The following MDN1 variants were observed in gnomAD, a reference collection of about 807,000 sequenced individuals.
The protein encoded by MDN1 is midasin.
MDN1 carries 266 observed loss-of-function variants against 669.2 expected under a neutral mutation model. The observed-to-expected ratio is 0.40, with a 90% CI of 0.36 to 0.44. MDN1 has a LOEUF of 0.44. Ranked by LOEUF, MDN1 falls within the 20% of genes least tolerant of loss-of-function variation. The probability of loss-of-function intolerance (pLI) is 1.00; values close to 1 mark genes in which losing one functional copy is unlikely to be tolerated. For missense variants in MDN1, 5,940 were observed against 6,754.0 expected, an observed-to-expected ratio of 0.88 and a Z score of 4.22; for synonymous variants, 2,385 against 2,457.1, an observed-to-expected ratio of 0.97 and a Z score of 0.87.
At chr6:89,752,946 A>G (rs1253357308) in intron 22 of MDN1, among the ~76,000 whole-genome samples, 7 of 152,140 alleles carry the variant, frequency 4.6e-5, no homozygotes, top group African/African-American at 1.7e-4. Context: ...AACATGATGG[A>G]ACCCAGTCCC....
chr6:89,792,957 T>C (rs950636341), intron 5 of MDN1, among the ~76,000 whole-genome samples: 1 of 151,682 alleles, frequency 6.6e-6, no homozygotes, highest in Non-Finnish European at 1.5e-5. Flanking sequence ...AGGGGGGAGG[T>C]TGCAGTGAGC....
At chr6:89,664,052 G>A (rs1810009085) in intron 85 of MDN1, among the ~76,000 whole-genome samples, 2 of 152,176 alleles carry the variant, frequency 1.3e-5, no homozygotes, top group Admixed American at 1.3e-4. Context: ...TTTATTAAGT[G>A]CTATGGCTGG....
chr6:89,767,695 G>A (rs1377918432), intron 15 of MDN1, among the ~76,000 whole-genome samples: 1 of 152,182 alleles, frequency 6.6e-6, no homozygotes, highest in East Asian at 1.9e-4. Flanking sequence ...GGCAGGCGTT[G>A]TAGTGAGCCA....
intron 13 of MDN1, 96 bp from the exon 14 acceptor site, chr6:89,772,817 G>T: frequency 1.5e-6 from 2 of 1,346,676 alleles, no homozygotes; most frequent in Non-Finnish European, 2.0e-6. Context: ...CAACAAGGAT[G>T]AGAAAACAGC....
chr6:89,704,251 C>T (rs1023555932), intron 53 of MDN1, among the ~76,000 whole-genome samples: 1 of 151,950 alleles, frequency 6.6e-6, no homozygotes, highest in Non-Finnish European at 1.5e-5. Flanking sequence ...TGTGGTGGCA[C>T]GTGCCTGTAG....
chr6:89,768,320 A>G (rs548459153), intron 15 of MDN1, among the ~76,000 whole-genome samples: 2 of 152,268 alleles, frequency 1.3e-5, no homozygotes, highest in Non-Finnish European at 2.9e-5. Context: ...ATGATAGTGA[A>G]TAAGTCTCAT....
chr6:89,725,907 T>TA (rs1205871819), intron 37 of MDN1, among the ~76,000 whole-genome samples: 23 of 148,238 alleles, frequency 1.6e-4, no homozygotes, highest in African/African-American at 5.8e-4. Context: ...CCATGTATGT[T>TA]AGAGATTTTG....
At chr6:89,781,308 A>T in intron 10 of MDN1, 91 bp downstream of exon 10, 1 of 1,293,550 alleles carries the variant, frequency 7.7e-7, no homozygotes. Flanking sequence ...CCAAAACTGC[A>T]CCACTGCACT....
chr6:89,814,951 C>G (rs1399404984), intron 1 of MDN1: 1 of 491,790 alleles, frequency 2.0e-6, no homozygotes, highest in African/African-American at 2.0e-5. Context: ...TAAGAGCACC[C>G]TGGGTGCCAT....
rs747335076 is a variant in MDN1 at position 89,700,249 on chromosome 6, G to A, written c.8684C>T (p.Ala2895Val). ...CAGAAAACCAAGTGAGAGTCCTTTG[G>A]CTTTCAGTTCTAAACACTGAGCATG... is the stretch of plus-strand genomic sequence containing the variant. The part of the protein sequence containing the change: ...FVHAQCLELK[A>V]KGLSLGFLEK... Residue 2895 changes from alanine to valine, a missense_variant, in exon 57 of 102, where the codon GCC becomes GTC. Physicochemically the swap from Ala to Val is moderately conservative, Grantham distance 64. Coordinates refer to ENST00000369393, the MANE Select transcript of MDN1 (RefSeq NM_014611.3). 1 of 1,614,144 alleles carries A rather than the reference G, an allele frequency of 6.2e-7. No homozygotes were observed. Among genetic ancestry groups the A allele is most frequent in the Non-Finnish European group, 8.5e-7 (1 of 1,180,000 alleles).
At chr6:89,815,445 T>C (rs762010442) in intron 1 of MDN1, 4 of 338,076 alleles carry the variant, frequency 1.2e-5, no homozygotes, top group African/African-American at 2.2e-5. Context: ...TACCCCAGAA[T>C]GTCTGTGCTT....
chr6:89,704,267 G>T (rs981943385), intron 53 of MDN1, among the ~76,000 whole-genome samples: 8 of 152,098 alleles, frequency 5.3e-5, no homozygotes, highest in African/African-American at 1.9e-4. Flanking sequence ...TGTAGTCCTG[G>T]CTACTCAGGA....
intron 11 of MDN1, among the ~76,000 whole-genome samples, chr6:89,779,747 G>A (rs997001343): frequency 6.6e-6 from 1 of 152,240 alleles, no homozygotes; most frequent in Non-Finnish European, 1.5e-5. Context: ...TTAATGCCAC[G>A]TTAGTTGAGT....
chr6:89,743,335 T>C (rs1431143900), intron 30 of MDN1, 55 bp from the exon 31 acceptor site: 1 of 1,601,044 alleles, frequency 6.2e-7, no homozygotes, highest in Non-Finnish European at 8.5e-7. Flanking sequence ...ACAGACAATA[T>C]ACATGCAGCT....
At chr6:89,746,846 A>G (rs1459169720) in intron 27 of MDN1, among the ~76,000 whole-genome samples, 3 of 152,196 alleles carry the variant, frequency 2.0e-5, no homozygotes, top group Non-Finnish European at 4.4e-5. Flanking sequence ...ATTCCAAAAC[A>G]CTGTGTATCC....
At chr6:89,721,783 A>G (rs1814838306) in intron 40 of MDN1, among the ~76,000 whole-genome samples, 1 of 152,190 alleles carries the variant, frequency 6.6e-6, no homozygotes, top group South Asian at 2.1e-4. Context: ...CTCCAATTTT[A>G]ATAAATTTTT....
intron 83 of MDN1, among the ~76,000 whole-genome samples, chr6:89,669,613 A>AT (rs1352627914): frequency 6.6e-6 from 1 of 152,118 alleles, no homozygotes; most frequent in Non-Finnish European, 1.5e-5. Flanking sequence ...CTTGGAGAAA[A>AT]TCTTAGAATG....
Position 89,774,693 on chromosome 6 carries a change from A to T in MDN1, c.1862T>A (p.Ile621Asn), listed in dbSNP as rs1352819953. ...FCQLYKPEIV[I>N]NELDLQVGRV... ...ACCCACTTGCAAATCTAGCTCATTG[A>T]TCACAATTTCTGGTTTATAAAGTTG... The change falls in exon 13 of 102, where the codon ATC becomes AAC. Residue 621 changes from isoleucine (I) to asparagine (N), a missense_variant. Around this residue, in one of 5 missense-constraint regions of MDN1, gnomAD observed 1,203 missense variants for 1,268.9 expected, o/e 0.95. Coordinates refer to ENST00000369393, the MANE Select transcript of MDN1 (RefSeq NM_014611.3). The T allele has an allele frequency of 1.2e-6, 2 of 1,613,690 alleles. No individual in the cohort carries two copies. Among genetic ancestry groups the T allele is most frequent in the Non-Finnish European group, 1.7e-6 (2 of 1,179,706 alleles).
intron 73 of MDN1, 142 bp from the exon 74 acceptor site, chr6:89,680,893 A>G (rs1048003965): frequency 3.4e-5 from 31 of 915,642 alleles, no homozygotes; most frequent in Non-Finnish European, 4.0e-5. Context: ...CTAAAATTAA[A>G]AGAGACATAC....
Sources: gnomAD v4.1 joint callset for allele counts (sites outside exome capture counted in the v4.1 genomes callset) on GRCh38, gnomAD v4.1.1 for gene constraint, gnomAD v4.1.1 regional missense constraint, MANE v1.5 for transcripts, NCBI Gene and HGNC (gene_info 2026-07-23, HGNC 2026-07-21) for gene names.